The following C12orf42 variants were observed in gnomAD, a reference collection of about 807,000 sequenced individuals.
C12orf42 encodes the protein chromosome 12 open reading frame 42, also known as uncharacterized protein C12orf42.
In C12orf42, 25 loss-of-function variants were observed where a neutral mutation model predicts 21.6. The observed-to-expected ratio is 1.16, with a 90% CI of 0.84 to 1.62. The LOEUF (loss-of-function observed/expected upper bound fraction) is 1.62, where lower values mean the gene tolerates loss of function less well. C12orf42 is among the 40% of genes most tolerant of loss of function. The pLI is 0.00. For synonymous variants in C12orf42, 174 were observed against 175.0 expected, an observed-to-expected ratio of 0.99 and a Z score of 0.05; for missense variants, 483 against 459.3, an observed-to-expected ratio of 1.05 and a Z score of -0.47.
the C12orf42 span, among the ~76,000 whole-genome samples, chr12:103,152,244 T>A: frequency 6.6e-6 from 1 of 152,178 alleles, no homozygotes; most frequent in Non-Finnish European, 1.5e-5. Context: ...GAGCAGAGTA[T>A]CCAGTTGAAC....
chr12:103,281,827 A>G (rs960563333), intron 4 of C12orf42, among the ~76,000 whole-genome samples: 6 of 151,676 alleles, frequency 4.0e-5, no homozygotes, highest in Admixed American at 2.6e-4. Flanking sequence ...TGCTAGTGTG[A>G]AAAAAAAGCA....
chr12:103,401,212 T>G (rs1328275218), intron 3 of C12orf42, among the ~76,000 whole-genome samples: 1 of 152,066 alleles, frequency 6.6e-6, no homozygotes, highest in Admixed American at 6.5e-5. Flanking sequence ...TACTAACAGG[T>G]CAACTTTTTG....
chr12:103,467,739 T>C (rs1233316760), intron 2 of C12orf42, among the ~76,000 whole-genome samples: 2 of 152,198 alleles, frequency 1.3e-5, no homozygotes, highest in Non-Finnish European at 2.9e-5. Context: ...AAAAGATTTG[T>C]TTTTCAATGA....
chr12:103,546,896 C>T, the C12orf42 span, among the ~76,000 whole-genome samples: 3,621 of 152,262 alleles, frequency 0.024, 141 homozygotes, highest in African/African-American at 0.082. Context: ...CACAGGGACA[C>T]GGAGATGATG....
the C12orf42 span, among the ~76,000 whole-genome samples, chr12:103,216,286 T>C: frequency 6.6e-6 from 1 of 152,230 alleles, no homozygotes; most frequent in East Asian, 1.9e-4. Context: ...AGATGTATAA[T>C]TATTTGTGTT....
At chr12:103,374,514 C>T (rs1256024116) in intron 3 of C12orf42, among the ~76,000 whole-genome samples, 3 of 152,110 alleles carry the variant, frequency 2.0e-5, no homozygotes, top group Admixed American at 2.0e-4. Flanking sequence ...GCTGTAATTT[C>T]TTGCCTGTTC....
intron 1 of C12orf42, among the ~76,000 whole-genome samples, chr12:103,491,504 A>G (rs1955182921): frequency 6.6e-6 from 1 of 152,208 alleles, no homozygotes; most frequent in Non-Finnish European, 1.5e-5. Flanking sequence ...TATCTAATGG[A>G]CCAAATTTAG....
intron 2 of C12orf42, among the ~76,000 whole-genome samples, chr12:103,407,636 G>T (rs1182565335): frequency 6.6e-6 from 1 of 152,162 alleles, no homozygotes. Context: ...TGGTAAGGCT[G>T]CCTGTCAACA....
the C12orf42 span, chr12:103,168,336 A>C: frequency 3.6e-6 from 1 of 280,860 alleles, no homozygotes; most frequent in Admixed American, 4.9e-5. Flanking sequence ...TGAGCAGATA[A>C]CATATTTAAG....
the C12orf42 span, among the ~76,000 whole-genome samples, chr12:103,529,096 C>T: frequency 6.6e-6 from 1 of 152,100 alleles, no homozygotes; most frequent in Admixed American, 6.5e-5. Flanking sequence ...CAAACTATAC[C>T]ATGAAAACCA....
the C12orf42 span, among the ~76,000 whole-genome samples, chr12:103,509,911 T>A: frequency 6.6e-6 from 1 of 152,224 alleles, no homozygotes; most frequent in Non-Finnish European, 1.5e-5. Context: ...CTGGTGGGAA[T>A]GTAACTAGTA....
At chr12:103,280,018 A>T (rs2036007809) in intron 4 of C12orf42, among the ~76,000 whole-genome samples, 1 of 152,198 alleles carries the variant, frequency 6.6e-6, no homozygotes, top group African/African-American at 2.4e-5. Flanking sequence ...ACACTGATAG[A>T]GGCATTAGGA....
At chr12:103,356,149 C>T (rs560399126) in intron 4 of C12orf42, among the ~76,000 whole-genome samples, 1 of 152,212 alleles carries the variant, frequency 6.6e-6, no homozygotes, top group Non-Finnish European at 1.5e-5. Context: ...CCCTACCTTT[C>T]TAGGTCACAT....
chr12:103,157,317 GTTGT>G, the C12orf42 span, among the ~76,000 whole-genome samples: 199 of 152,208 alleles, frequency 1.3e-3, 3 homozygotes, highest in African/African-American at 4.4e-3. Flanking sequence ...TTTTGATGGA[GTTGT>G]TTGTTTTTTT....
intron 1 of C12orf42, among the ~76,000 whole-genome samples, chr12:103,492,655 T>C (rs183294439): frequency 4.5e-4 from 69 of 152,172 alleles, no homozygotes; most frequent in Non-Finnish European, 5.9e-5. Flanking sequence ...AGTCAGGAAG[T>C]GGAAAATCTT....
chr12:103,192,468 C>T, the C12orf42 span, among the ~76,000 whole-genome samples: 5 of 146,234 alleles, frequency 3.4e-5, no homozygotes, highest in Non-Finnish European at 7.4e-5. Context: ...CATGCAACTG[C>T]ACTCCAGCCT....
At chr12:103,343,798 A>T (rs2042382148) in intron 4 of C12orf42, among the ~76,000 whole-genome samples, 3 of 151,862 alleles carry the variant, frequency 2.0e-5, no homozygotes, top group Non-Finnish European at 4.4e-5. Context: ...AAAGAAAAAG[A>T]AAAAAAGAAA....
In C12orf42 at chr12:103,254,409, G is replaced by A. The variant is rs527559651; in HGVS notation, c.*1366+8917C>T. On this transcript the variant is annotated intron_variant and NMD_transcript_variant, in intron 10 of 10. Coordinates refer to the C12orf42 transcript ENST00000547347. ...TTTTGTTGCATCTTTGCCAGGTTTT[G>A]GTATCAGGATGATGCTGGCCTCTGA... 4.6e-5 allele frequency among the ~76,000 whole-genome samples: 7 copies of A among 152,214 alleles called. No individual in the cohort carries two copies. In the South Asian group the frequency reaches 1.2e-3, roughly 27 times the overall value.
chr12:103,508,932 G>A, the C12orf42 span, among the ~76,000 whole-genome samples: 1 of 152,194 alleles, frequency 6.6e-6, no homozygotes. Context: ...TAGGTACTAA[G>A]TATTTGAAGT....
Sources: gnomAD v4.1 joint callset for allele counts (sites outside exome capture counted in the v4.1 genomes callset) on GRCh38, gnomAD v4.1.1 for gene constraint, MANE v1.5 for transcripts, NCBI Gene and HGNC (gene_info 2026-07-23, HGNC 2026-07-21) for gene names.